The following ACACB variants were observed in gnomAD, a reference collection of about 807,000 sequenced individuals.
The protein encoded by ACACB is acetyl-CoA carboxylase 2.
ACACB carries 209 observed loss-of-function variants against 278.8 expected under a neutral mutation model. The ratio of observed to expected loss-of-function variants is 0.75; its 90% CI spans 0.67 to 0.84. The LOEUF is 0.84. ACACB is among the 40% of genes least tolerant of loss of function. The pLI, the probability that ACACB is intolerant of heterozygous loss-of-function variation, is 0.00. For missense variants in ACACB, 2,850 were observed against 3,269.0 expected, an observed-to-expected ratio of 0.87 and a Z score of 3.13; for synonymous variants, 1,174 against 1,285.6, an observed-to-expected ratio of 0.91 and a Z score of 1.86.
At chr12:109,136,686 T>G (rs1230194859) in intron 1 of ACACB, among the ~76,000 whole-genome samples, 2 of 152,254 alleles carry the variant, frequency 1.3e-5, no homozygotes, top group Non-Finnish European at 2.9e-5. Context: ...TGTATTTATC[T>G]TGTATCCTGC....
At chr12:109,119,784 A>G (rs1024091745) in intron 1 of ACACB, among the ~76,000 whole-genome samples, 5 of 151,812 alleles carry the variant, frequency 3.3e-5, no homozygotes, top group Admixed American at 2.6e-4. Flanking sequence ...AATCCCAGCT[A>G]CCTGGGAGGC....
In ACACB at chr12:109,242,764, G is replaced by T. The variant is rs2046836635; in HGVS notation, c.5178+172G>T. 3 of 704,456 alleles carry T rather than the reference G, an allele frequency of 4.3e-6. No individual in the cohort carries two copies. The South Asian group carries it at 6.9e-5, about 16-fold the overall frequency. 43.6% of individuals were successfully genotyped at this position (704,456 alleles called of 1,614,324 possible). A position where few individuals can be genotyped will look rare whatever the true frequency, so the allele number is the denominator to read the frequency against. On this transcript the variant is annotated intron_variant, in intron 37 of 52. Coordinates refer to ENST00000338432, the MANE Select transcript of ACACB (RefSeq NM_001093.4). The stretch of plus-strand genomic sequence containing the variant: ...GCACTTCGGGAGGCCGAGGAGGGAG[G>T]ATTGCTTGAGCCCAGGAGTTGAAGA...
chr12:109,181,018 C>T (rs2044447865), intron 11 of ACACB, among the ~76,000 whole-genome samples: 1 of 152,106 alleles, frequency 6.6e-6, no homozygotes, highest in African/African-American at 2.4e-5. Context: ...ATTCTACTCT[C>T]TGTGTCTGTG....
rs1287317586 is a variant in ACACB, at chr12:109,212,946, G to C, written c.3350+10G>C. 6.2e-7 allele frequency: 1 copy of C among 1,611,146 alleles called. No individual in the cohort carries two copies. The highest frequency in any genetic ancestry group is 8.5e-7 in the Non-Finnish European group (1 of 1,177,432). On this transcript the variant is annotated intron_variant, in intron 22 of 52. Coordinates refer to ENST00000338432, the MANE Select transcript of ACACB (RefSeq NM_001093.4). ...TGCAGTTGGTCCAGAGGTGAATCCTGGGTCTCCCCGTAGGATGTGGTTGTC... is the reference window on the plus strand; with the variant it reads ...TGCAGTTGGTCCAGAGGTGAATCCTCGGTCTCCCCGTAGGATGTGGTTGTC...
intron 22 of ACACB, 94 bp from the exon 23 acceptor site, chr12:109,216,524 C>A: frequency 7.5e-7 from 1 of 1,332,118 alleles, no homozygotes; most frequent in South Asian, 1.3e-5. Context: ...CCAGCCAATC[C>A]TTTCTCTTTT....
intron 4 of ACACB, among the ~76,000 whole-genome samples, chr12:109,169,512 C>T (rs1249402043): frequency 6.6e-6 from 1 of 152,156 alleles, no homozygotes; most frequent in African/African-American, 2.4e-5. Flanking sequence ...ATTAAGTCCC[C>T]TCCTGGCTCC....
chr12:109,252,006 C>A, intron 41 of ACACB, 40 bp from the exon 42 acceptor site: 1 of 1,503,058 alleles, frequency 6.7e-7, no homozygotes, highest in South Asian at 1.2e-5. Context: ...GTGGGTCCCT[C>A]GCCACTCTCC....
In ACACB at chr12:109,206,428, C is replaced by CAAAAAAAAAAAAA. The variant is rs35315851; in HGVS notation, c.2914-278_2914-266dup. 2.5e-3 allele frequency among the ~76,000 whole-genome samples: 220 copies of CAAAAAAAAAAAAA among 89,664 alleles called. 22 individuals are homozygous for CAAAAAAAAAAAAA. Among genetic ancestry groups the CAAAAAAAAAAAAA allele is most frequent in the African/African-American group, 8.7e-3 (171 of 19,584 alleles). 58.8% of individuals were successfully genotyped at this position (89,664 alleles called of 152,430 possible). ...CAGCCTGGGGACAATGCGAGTGTCTCAAAAAAAAAAAAAAAACAGATCTCA... is the reference window on the plus strand; with the variant it reads ...CAGCCTGGGGACAATGCGAGTGTCTCAAAAAAAAAAAAAAAAAAAAAAAAAAAAACAGATCTCA... On this transcript the variant is annotated intron_variant, in intron 19 of 52. Coordinates refer to ENST00000338432, the MANE Select transcript of ACACB (RefSeq NM_001093.4).
chr12:109,188,022 T>C lies in ACACB; in HGVS notation c.2004T>C (p.Thr668=), dbSNP rs769232412. 8 of 1,607,152 alleles carry C rather than the reference T, an allele frequency of 5.0e-6. No homozygotes were observed. The highest frequency in any genetic ancestry group is 1.3e-5 in the African/African-American group (1 of 74,878). The change falls in exon 13 of 53, where the codon ACT becomes ACC. Residue 668 remains threonine (T), a synonymous_variant. Transcript: ENST00000338432. ...PDEGFKPSSG[T]VQELNFRSSK... ...AGGGTTTTAAGCCGAGCTCCGGGAC[T>C]GTCCAGGAACTGAATTTCCGGAGCA...
At chr12:109,245,813 G>T in intron 38 of ACACB, 65 bp downstream of exon 38, 3 of 1,583,018 alleles carry the variant, frequency 1.9e-6, no homozygotes, top group Non-Finnish European at 2.6e-6. Context: ...TTTGGGCCAG[G>T]TGCAGTAGCT....
Position 109,216,651 on chromosome 12 carries a change from A to T in ACACB, c.3384A>T (p.Thr1128=). 1 of 1,614,216 alleles carries T rather than the reference A, an allele frequency of 6.2e-7. No individual in the cohort carries two copies. Among genetic ancestry groups the T allele is most frequent in the Non-Finnish European group, 8.5e-7 (1 of 1,180,020 alleles). The change falls in exon 23 of 53, where the codon ACA becomes ACT. Residue 1128 remains threonine, a synonymous_variant. Transcript: ENST00000338432. ...GCGGGATCCGCGGCTATATGAAAAC[A>T]GTGGTGTTGGATCTCCTGAGAAGAT... is the stretch of plus-strand genomic sequence containing the variant. ...YRSGIRGYMK[T]VVLDLLRRYL...
chr12:109,118,249 G>A (rs2042455611), intron 1 of ACACB, among the ~76,000 whole-genome samples: 1 of 152,140 alleles, frequency 6.6e-6, no homozygotes, highest in Admixed American at 6.5e-5. Flanking sequence ...CTGCTCAGGT[G>A]TTGTGTAAAC....
At position 109,221,155 on chromosome 12, in the gene ACACB, G is replaced by A. The variant is rs543019139; in HGVS notation, c.3565-1352G>A. Among the ~76,000 whole-genome samples the A allele has an allele frequency of 9.9e-5, 15 of 152,248 alleles. No homozygotes were observed. In the South Asian group the frequency reaches 3.1e-3, roughly 32 times the overall value. ...AACACTTTCCTACCACATTTCTTCA[G>A]CATTGATGTTCCTGTGTCTTTGTGT... On this transcript the variant is annotated intron_variant, in intron 24 of 52. Transcript: ENST00000338432.
intron 41 of ACACB, among the ~76,000 whole-genome samples, chr12:109,251,369 G>T (rs1409909615): frequency 6.6e-6 from 1 of 152,176 alleles, no homozygotes; most frequent in Non-Finnish European, 1.5e-5. Context: ...GCAGCAGCAG[G>T]AATAATAGTA....
intron 28 of ACACB, among the ~76,000 whole-genome samples, chr12:109,229,397 C>T (rs2046406258): frequency 6.6e-6 from 1 of 152,190 alleles, no homozygotes; most frequent in Non-Finnish European, 1.5e-5. Flanking sequence ...ACTCTCACCT[C>T]CAAGTCCTTT....
intron 47 of ACACB, 119 bp from the exon 48 acceptor site, chr12:109,260,361 G>T: frequency 7.6e-7 from 1 of 1,324,282 alleles, no homozygotes; most frequent in Non-Finnish European, 1.1e-6. Context: ...TCCCAGCCCA[G>T]TGCTCTCCAA....
rs1185055620 is a variant in ACACB, at chr12:109,262,364, G to A, written c.6682G>A (p.Val2228Ile). Residue 2228 changes from valine (V) to isoleucine (I), a missense_variant, in exon 49 of 53, where the codon GTT becomes ATT. By Grantham distance (29) the Val-to-Ile change is conservative. This residue lies in a region of ACACB where 579 missense variants were observed against 684.6 expected (regional missense o/e 0.85). Coordinates refer to ENST00000338432, the MANE Select transcript of ACACB (RefSeq NM_001093.4). ...TGCCTCTTCTCTTTTAAGGGGTGGT[G>A]TTCTGGAACCAGAGGGGACAGTGGA... is the stretch of plus-strand genomic sequence containing the variant. Reference protein sequence around the residue: ...MYADKESRGGVLEPEGTVEIK... With the variant: ...MYADKESRGGILEPEGTVEIK... The A allele has an allele frequency of 6.2e-7, 1 of 1,613,120 alleles. No individual in the cohort carries two copies. Among genetic ancestry groups the A allele is most frequent in the Non-Finnish European group, 8.5e-7 (1 of 1,179,416 alleles).
chr12:109,209,812 C>CGTGT (rs2045628752), intron 21 of ACACB, among the ~76,000 whole-genome samples: 1 of 142,450 alleles, frequency 7.0e-6, no homozygotes, highest in Non-Finnish European at 1.5e-5. Flanking sequence ...TATACACACA[C>CGTGT]ATATATATGC....
At chr12:109,160,571 C>T (rs1252265698) in intron 2 of ACACB, among the ~76,000 whole-genome samples, 1 of 152,210 alleles carries the variant, frequency 6.6e-6, no homozygotes, top group Non-Finnish European at 1.5e-5. Context: ...CCAAAGTCAC[C>T]TTGAAACATT....
Sources: gnomAD v4.1 joint callset for allele counts (sites outside exome capture counted in the v4.1 genomes callset) on GRCh38, gnomAD v4.1.1 for gene constraint, gnomAD v4.1.1 regional missense constraint, MANE v1.5 for transcripts, NCBI Gene and HGNC (gene_info 2026-07-23, HGNC 2026-07-21) for gene names.